MAN1A1: variants seen among roughly 807,000 people sequenced by gnomAD.
MAN1A1 encodes mannosidase alpha class 1A member 1, also known as mannosyl-oligosaccharide 1,2-alpha-mannosidase IA.
MAN1A1 carries 29 observed loss-of-function variants against 70.8 expected under a neutral mutation model. The ratio of observed to expected loss-of-function variants is 0.41; its 90% confidence interval spans 0.31 to 0.56. The LOEUF (loss-of-function observed/expected upper bound fraction) is 0.56. Among genes scored for constraint, MAN1A1 ranks in the 20% least tolerant of loss-of-function variants. The pLI is 0.29. For missense variants in MAN1A1, 747 were observed against 841.3 expected, an observed-to-expected ratio of 0.89 and a Z score of 1.39; for synonymous variants, 349 against 330.1, an observed-to-expected ratio of 1.06 and a Z score of -0.62.
chr6:119,212,326 C>T (rs1203299089), intron 6 of MAN1A1, among the ~76,000 whole-genome samples: 2 of 152,086 alleles, frequency 1.3e-5, no homozygotes, highest in Non-Finnish European at 2.9e-5. Flanking sequence ...AGTTTACTAT[C>T]AATTATACCA....
chr6:119,323,400 T>C (rs1773068382), intron 2 of MAN1A1, among the ~76,000 whole-genome samples: 1 of 152,222 alleles, frequency 6.6e-6, no homozygotes. Context: ...AATGTATTTC[T>C]AATATGATCA....
chr6:119,286,969 C>T (rs911522461), intron 5 of MAN1A1, among the ~76,000 whole-genome samples: 1 of 152,062 alleles, frequency 6.6e-6, no homozygotes, highest in Non-Finnish European at 1.5e-5. Flanking sequence ...CACAGGGCCT[C>T]GATTTCCTGT....
chr6:119,287,252 T>G (rs1352855662), intron 5 of MAN1A1, among the ~76,000 whole-genome samples: 15 of 152,092 alleles, frequency 9.9e-5, no homozygotes, highest in Admixed American at 9.8e-4. Flanking sequence ...ACTTGACACT[T>G]TTTGTTCCAA....
At chr6:119,247,359 T>C (rs1053482949) in intron 6 of MAN1A1, among the ~76,000 whole-genome samples, 1 of 152,172 alleles carries the variant, frequency 6.6e-6, no homozygotes, top group African/African-American at 2.4e-5. Flanking sequence ...AGCTTCCTAT[T>C]GGTAAAATGG....
intron 3 of MAN1A1, among the ~76,000 whole-genome samples, chr6:119,304,889 C>T (rs11153808): frequency 0.33 from 50,498 of 151,924 alleles, 8,874 homozygotes; most frequent in Non-Finnish European, 0.36. Flanking sequence ...AGCGAATATA[C>T]GGGACTACAT....
At chr6:119,312,576 C>A (rs935878618) in intron 2 of MAN1A1, among the ~76,000 whole-genome samples, 9 of 152,044 alleles carry the variant, frequency 5.9e-5, no homozygotes, top group Non-Finnish European at 1.3e-4. Flanking sequence ...CCTACATTTC[C>A]TTATGGGAAT....
At chr6:119,302,187 G>A in intron 3 of MAN1A1, 84 bp from the exon 4 acceptor site, 8 of 638,638 alleles carry the variant, frequency 1.3e-5, no homozygotes, top group Non-Finnish European at 2.0e-5. Flanking sequence ...AAAGGGAGAG[G>A]GTAATGCTGG....
intron 6 of MAN1A1, among the ~76,000 whole-genome samples, chr6:119,217,246 A>T (rs1166212813): frequency 6.6e-6 from 1 of 152,142 alleles, no homozygotes; most frequent in Admixed American, 6.5e-5. Flanking sequence ...TTATTTAATC[A>T]TAAGCTTCCA....
chr6:119,192,717 C>T (rs17442112), intron 9 of MAN1A1, among the ~76,000 whole-genome samples: 1 of 151,892 alleles, frequency 6.6e-6, no homozygotes, highest in Non-Finnish European at 1.5e-5. Flanking sequence ...ACTTGAGAAG[C>T]CTTGATAATA....
At chr6:119,204,913 G>C in intron 6 of MAN1A1, 31 bp from the exon 7 acceptor site, 1 of 1,606,702 alleles carries the variant, frequency 6.2e-7, no homozygotes, top group Non-Finnish European at 8.5e-7. Flanking sequence ...AAGAGTTATG[G>C]GTCAGATTAA....
At chr6:119,314,254 T>C (rs1379518100) in intron 2 of MAN1A1, among the ~76,000 whole-genome samples, 2 of 152,254 alleles carry the variant, frequency 1.3e-5, no homozygotes. Context: ...CTGAGGTGCA[T>C]AAAGCATTAT....
chr6:119,269,507 G>A (rs1443600199), intron 5 of MAN1A1: 2 of 189,740 alleles, frequency 1.1e-5, no homozygotes, highest in East Asian at 1.5e-4. Flanking sequence ...GATGCAGATG[G>A]GGGGCCTCAG....
chr6:119,349,844 C>T (rs1773857025), upstream of MAN1A1: 10 of 777,326 alleles, frequency 1.3e-5, no homozygotes, highest in African/African-American at 7.5e-5. Context: ...GCCAATCACG[C>T]GCCGCCCAGG....
chr6:119,296,188 C>A (rs1772211896), intron 4 of MAN1A1, among the ~76,000 whole-genome samples: 1 of 152,146 alleles, frequency 6.6e-6, no homozygotes, highest in Admixed American at 6.6e-5. Context: ...CCTATTTAAG[C>A]AACGTGACAA....
intron 5 of MAN1A1, among the ~76,000 whole-genome samples, chr6:119,249,239 A>G (rs987151852): frequency 2.0e-5 from 3 of 152,206 alleles, no homozygotes; most frequent in African/African-American, 7.2e-5. Context: ...GGATACTGGT[A>G]AATGAGGTCA....
chr6:119,295,291 C>T (rs1214505072), intron 4 of MAN1A1, among the ~76,000 whole-genome samples: 2 of 152,080 alleles, frequency 1.3e-5, no homozygotes, highest in Non-Finnish European at 2.9e-5. Context: ...TTATAGGCAA[C>T]TTATTCACCA....
chr6:119,184,478 GCTGT>G (rs1318537294), intron 11 of MAN1A1, among the ~76,000 whole-genome samples: 1 of 152,098 alleles, frequency 6.6e-6, no homozygotes, highest in East Asian at 1.9e-4. Flanking sequence ...GTGGAGTAAG[GCTGT>G]CTGCTTGAGT....
chr6:119,199,985 G>A (rs569467398), intron 8 of MAN1A1, among the ~76,000 whole-genome samples: 29 of 152,090 alleles, frequency 1.9e-4, no homozygotes, highest in African/African-American at 5.3e-4. Flanking sequence ...GTGTTTGTTC[G>A]CCTTTGTTCT....
At chr6:119,280,144 A>G (rs780761552) in intron 5 of MAN1A1, among the ~76,000 whole-genome samples, 2 of 152,208 alleles carry the variant, frequency 1.3e-5, no homozygotes, top group African/African-American at 2.4e-5. Context: ...AATGCCCTGG[A>G]CAATCTTACT....
Sources: allele counts gnomAD v4.1 joint callset (sites outside exome capture counted in the v4.1 genomes callset), GRCh38; gene constraint gnomAD v4.1.1; transcripts MANE v1.5; gene names NCBI Gene and HGNC (gene_info 2026-07-23, HGNC 2026-07-21).